Variants in SMCHD1 observed in about 807,000 individuals in gnomAD.
SMCHD1 encodes the protein structural maintenance of chromosomes flexible hinge domain containing 1, also known as structural maintenance of chromosomes flexible hinge domain-containing protein 1.
Under a neutral mutation model 254.7 loss-of-function variants are expected in SMCHD1, and 78 were observed. The observed-to-expected ratio is 0.31, with a 90% confidence interval of 0.26 to 0.37. SMCHD1 has a LOEUF of 0.37. Ranked by LOEUF, SMCHD1 falls within the 10% of genes least tolerant of loss-of-function variation. The pLI is 1.00. For missense variants in SMCHD1, 1,840 were observed against 2,408.1 expected, an observed-to-expected ratio of 0.76 and a Z score of 4.94; for synonymous variants, 766 against 794.9, an observed-to-expected ratio of 0.96 and a Z score of 0.61.
intron 37 of SMCHD1, among the ~76,000 whole-genome samples, chr18:2,764,477 A>T (rs893322060): frequency 2.0e-5 from 3 of 152,154 alleles, no homozygotes; most frequent in Non-Finnish European, 4.4e-5. Flanking sequence ...ATCCTTAGTG[A>T]AAATTTAGTT....
chr18:2,770,856 A>G (rs12969620), intron 39 of SMCHD1, among the ~76,000 whole-genome samples: 68,326 of 151,972 alleles, frequency 0.45, 15,830 homozygotes, highest in Admixed American at 0.54. Context: ...TCTTACCTCA[A>G]GTGATCTGCC....
At chr18:2,799,471 T>C (rs954356633) in intron 47 of SMCHD1, among the ~76,000 whole-genome samples, 1 of 152,212 alleles carries the variant, frequency 6.6e-6, no homozygotes, top group African/African-American at 2.4e-5. Context: ...TTGTTTTAAC[T>C]GTTAATTTTT....
chr18:2,708,866 T>TCA (rs1347544984), intron 17 of SMCHD1, among the ~76,000 whole-genome samples: 94 of 18,120 alleles, frequency 5.2e-3, no homozygotes, highest in African/African-American at 0.023. Context: ...TTCAATAACT[T>TCA]CATATATATA....
chr18:2,695,208 T>C (rs1036605375), intron 8 of SMCHD1, among the ~76,000 whole-genome samples: 4 of 152,172 alleles, frequency 2.6e-5, no homozygotes, highest in African/African-American at 9.7e-5. Flanking sequence ...ACATTAGTAC[T>C]GAAAATAATC....
intron 17 of SMCHD1, among the ~76,000 whole-genome samples, chr18:2,711,873 T>C (rs1285126487): frequency 6.6e-6 from 1 of 152,166 alleles, no homozygotes; most frequent in Non-Finnish European, 1.5e-5. Flanking sequence ...GGGCTTATTG[T>C]GTGAGTTCTT....
chr18:2,758,505 G>A (rs1175260002), intron 34 of SMCHD1, among the ~76,000 whole-genome samples: 3 of 152,034 alleles, frequency 2.0e-5, no homozygotes, highest in Admixed American at 1.3e-4. Context: ...TGTTTATTGG[G>A]ATTTACTCAT....
chr18:2,734,116 T>TCCAG (rs2075200070), intron 25 of SMCHD1, among the ~76,000 whole-genome samples: 1 of 152,236 alleles, frequency 6.6e-6, no homozygotes, highest in Admixed American at 6.5e-5. Context: ...CAATGCTTGT[T>TCCAG]CTAGCCAGCT....
At chr18:2,766,235 C>G (rs2075866472) in intron 37 of SMCHD1, among the ~76,000 whole-genome samples, 1 of 152,150 alleles carries the variant, frequency 6.6e-6, no homozygotes. Context: ...CCTTGTGATC[C>G]ACCCGCCTCG....
At position 2,700,627 on chromosome 18, in the gene SMCHD1, T is replaced by C; in HGVS notation, c.1431T>C (p.Asn477=). Residue 477 remains asparagine (N), a synonymous_variant, in exon 11 of 48, where the codon AAT becomes AAC. Transcript: ENST00000320876. ...GGCCTATTTTTGAATGTTTTTGGAA[T>C]GGACGATTAATACCATATACATCAG... ...GKRPIFECFW[N]GRLIPYTSVE... 1 of 1,611,490 alleles carries C rather than the reference T, an allele frequency of 6.2e-7. No individual in the cohort carries two copies. The highest frequency in any genetic ancestry group is 1.7e-5 in the Admixed American group (1 of 59,576).
intron 25 of SMCHD1, among the ~76,000 whole-genome samples, chr18:2,735,565 C>T (rs781109170): frequency 3.9e-5 from 6 of 152,180 alleles, no homozygotes; most frequent in South Asian, 2.1e-4. Flanking sequence ...AGCTGATAAA[C>T]GACTTCAGTA....
intron 37 of SMCHD1, among the ~76,000 whole-genome samples, chr18:2,767,249 C>A (rs1182394293): frequency 1.4e-5 from 2 of 139,934 alleles, no homozygotes; most frequent in East Asian, 2.0e-4. Context: ...CAGAGCAAGA[C>A]CCTGTCTCAA....
In SMCHD1 at chr18:2,718,167, G is replaced by C; in HGVS notation, c.2270G>C (p.Gly757Ala). The C allele has an allele frequency of 6.2e-7, 1 of 1,608,588 alleles. No homozygotes were observed. Among genetic ancestry groups the C allele is most frequent in the East Asian group, 2.2e-5 (1 of 44,728 alleles). The change falls in exon 18 of 48, where the codon GGA becomes GCA. Residue 757 changes from glycine (G) to alanine (A), a missense_variant. Gly to Ala is a moderately conservative substitution (Grantham distance 60, BLOSUM62 0). Coordinates refer to ENST00000320876, the MANE Select transcript of SMCHD1 (RefSeq NM_015295.3). This position sits in a 1 kb window ranked among gnomAD's most constrained non-coding sequence, Gnocchi z 4.6. The stretch of plus-strand genomic sequence containing the variant: ...TTTTTCTTTTATTAAGCTTCAAGTG[G>C]AAATAAAGAGATTATTTCGCATATT... ...ELKVILHSSS[G>A]NKEIISHISQ... is the part of the protein sequence containing the mutation.
At chr18:2,717,342 A>G (rs192213114) in intron 17 of SMCHD1, among the ~76,000 whole-genome samples, 1 of 152,250 alleles carries the variant, frequency 6.6e-6, no homozygotes, top group Non-Finnish European at 1.5e-5. Flanking sequence ...CAAAGTATCC[A>G]AAGTTTCTTT....
At chr18:2,671,062 A>G (rs1393176504) in intron 3 of SMCHD1, among the ~76,000 whole-genome samples, 1 of 147,804 alleles carries the variant, frequency 6.8e-6, no homozygotes, top group African/African-American at 2.5e-5. Flanking sequence ...TCAGCCTCCC[A>G]AGTAGCTGGG....
In SMCHD1 at chr18:2,656,097, G is replaced by T. The variant is rs2073046020; in HGVS notation, c.22G>T (p.Gly8Trp). 7.1e-7 allele frequency: 1 copy of T among 1,407,142 alleles called. No individual in the cohort carries two copies. The highest frequency in any genetic ancestry group is 2.8e-5 in the East Asian group (1 of 35,160). The allele number at this position is 1,407,142 out of a possible 1,614,324, so 87.2% of individuals were successfully genotyped here. A position where few individuals can be genotyped will look rare whatever the true frequency, so the allele number is the denominator to read the frequency against. MAAADGG[G>W]PGGASVGTEE... ...CAATATGGCAGCGGCGGACGGCGGC[G>T]GGCCTGGTGGGGCCTCTGTGGGGAC... is the stretch of plus-strand genomic sequence containing the variant. The change falls in exon 1 of 48, where the codon GGG becomes TGG. Residue 8 changes from glycine (G) to tryptophan (W), a missense_variant. Coordinates refer to ENST00000320876, the MANE Select transcript of SMCHD1 (RefSeq NM_015295.3).
intron 44 of SMCHD1, among the ~76,000 whole-genome samples, chr18:2,783,530 A>G (rs2076191561): frequency 6.6e-6 from 1 of 152,078 alleles, no homozygotes; most frequent in Admixed American, 6.5e-5. Context: ...ATTATGACGT[A>G]CTAAATCCAG....
intron 10 of SMCHD1, among the ~76,000 whole-genome samples, chr18:2,699,838 G>T (rs954266504): frequency 3.0e-4 from 46 of 152,198 alleles, no homozygotes; most frequent in Admixed American, 1.4e-3. Flanking sequence ...AGGGCTTTTA[G>T]GGAGAAGGTT....
chr18:2,656,025 C>G lies in SMCHD1; in HGVS notation c.-51C>G. Reference sequence around the variant, plus strand: ...GCGCCGCGCGGAGCGCGCACCTCAGCCCTGAGCCCGGCGGCGGCAGGCGTC... The same window carrying G: ...GCGCCGCGCGGAGCGCGCACCTCAGGCCTGAGCCCGGCGGCGGCAGGCGTC... On this transcript the variant is annotated 5_prime_UTR_variant, in exon 1 of 48. Transcript: ENST00000320876. 1.5e-6 allele frequency: 2 copies of G among 1,299,982 alleles called. No individual in the cohort carries two copies. Among genetic ancestry groups the G allele is most frequent in the Non-Finnish European group, 9.8e-7 (1 of 1,022,090 alleles). 80.5% of individuals were successfully genotyped at this position (1,299,982 alleles called of 1,614,324 possible).
chr18:2,753,658 C>A (rs2075617505), intron 34 of SMCHD1, among the ~76,000 whole-genome samples: 1 of 152,210 alleles, frequency 6.6e-6, no homozygotes, highest in African/African-American at 2.4e-5. Context: ...CCCCCTGCCT[C>A]AGCCTCCCAA....
Sources: allele counts gnomAD v4.1 joint callset (sites outside exome capture counted in the v4.1 genomes callset), GRCh38; gene constraint gnomAD v4.1.1; non-coding constraint Gnocchi (gnomAD v3.1); transcripts MANE v1.5; gene names NCBI Gene and HGNC (gene_info 2026-07-23, HGNC 2026-07-21).